GRM7: variants seen among roughly 807,000 people sequenced by gnomAD.
GRM7 encodes the protein metabotropic glutamate receptor 7.
Under a neutral mutation model 84.5 loss-of-function variants are expected in GRM7, and 35 were observed. The ratio of observed to expected loss-of-function variants is 0.41; its 90% confidence interval spans 0.32 to 0.55. The LOEUF (loss-of-function observed/expected upper bound fraction) is 0.55. Among genes scored for constraint, GRM7 ranks in the 20% least tolerant of loss-of-function variants. The probability of loss-of-function intolerance (pLI) is 0.19; values close to 1 mark genes in which losing one functional copy is unlikely to be tolerated. For synonymous variants in GRM7, 487 were observed against 455.1 expected, an observed-to-expected ratio of 1.07 and a Z score of -0.89; for missense variants, 1,003 against 1,194.6, an observed-to-expected ratio of 0.84 and a Z score of 2.36.
intron 2 of GRM7, among the ~76,000 whole-genome samples, chr3:7,261,729 G>C (rs1468454396): frequency 1.3e-5 from 2 of 152,178 alleles, no homozygotes; most frequent in Non-Finnish European, 2.9e-5. Context: ...TGTTGGTAAT[G>C]GTCTTTCCTT....
chr3:7,407,469 C>G (rs9846637), intron 4 of GRM7, among the ~76,000 whole-genome samples: 85,341 of 151,892 alleles, frequency 0.56, 24,629 homozygotes, highest in African/African-American at 0.62. Context: ...TACAGTGCCT[C>G]GAACTGATAT....
intron 2 of GRM7, among the ~76,000 whole-genome samples, chr3:7,277,086 T>G (rs543440376): frequency 6.6e-6 from 1 of 151,960 alleles, no homozygotes; most frequent in Admixed American, 6.6e-5. Context: ...TAGCCACCAT[T>G]TAAATGGTTT....
intron 1 of GRM7, among the ~76,000 whole-genome samples, chr3:7,141,755 A>G (rs994521482): frequency 1.3e-5 from 2 of 152,090 alleles, no homozygotes; most frequent in East Asian, 3.8e-4. Flanking sequence ...AAATAGTAGA[A>G]GATACACCCT....
intron 4 of GRM7, among the ~76,000 whole-genome samples, chr3:7,307,829 G>C (rs1700246274): frequency 6.6e-6 from 1 of 152,152 alleles, no homozygotes; most frequent in Non-Finnish European, 1.5e-5. Flanking sequence ...TCAGTGCTAG[G>C]AGTCAGGAAA....
At chr3:7,423,690 G>C (rs1181936932) in intron 5 of GRM7, among the ~76,000 whole-genome samples, 1 of 143,570 alleles carries the variant, frequency 7.0e-6, no homozygotes, top group Non-Finnish European at 1.5e-5. Flanking sequence ...AGCATTTTAG[G>C]TTTTTATGGG....
chr3:6,925,627 C>A (rs1430375293), intron 1 of GRM7, among the ~76,000 whole-genome samples: 1 of 152,132 alleles, frequency 6.6e-6, no homozygotes, highest in Non-Finnish European at 1.5e-5. Context: ...ACTCTATAAA[C>A]CAGGTAGTGG....
chr3:7,034,273 T>C (rs1030327984), intron 1 of GRM7, among the ~76,000 whole-genome samples: 3 of 152,008 alleles, frequency 2.0e-5, no homozygotes, highest in South Asian at 2.1e-4. Context: ...AGAAGTTTAA[T>C]TGGTCTCTGG....
At chr3:7,555,437 A>C (rs1693712268) in intron 7 of GRM7, among the ~76,000 whole-genome samples, 1 of 152,194 alleles carries the variant, frequency 6.6e-6, no homozygotes, top group Admixed American at 6.5e-5. Flanking sequence ...GCCTACAAAC[A>C]AGGACTCCAA....
intron 1 of GRM7, among the ~76,000 whole-genome samples, chr3:7,117,007 A>C (rs1693058085): frequency 6.6e-6 from 1 of 152,162 alleles, no homozygotes; most frequent in Non-Finnish European, 1.5e-5. Context: ...TTTGTGCTTT[A>C]AAGGTGAAAG....
intron 4 of GRM7, among the ~76,000 whole-genome samples, chr3:7,338,582 T>C (rs1701516557): frequency 6.6e-6 from 1 of 152,114 alleles, no homozygotes; most frequent in Admixed American, 6.6e-5. Flanking sequence ...CAAGCAACTG[T>C]AGCTGGTTCT....
intron 8 of GRM7, among the ~76,000 whole-genome samples, chr3:7,580,591 G>A (rs1276497228): frequency 1.3e-5 from 2 of 152,110 alleles, no homozygotes; most frequent in Non-Finnish European, 2.9e-5. Flanking sequence ...CCTAAATTGT[G>A]TAATTCAGAG....
At chr3:6,885,102 C>T (rs2124970374) in intron 1 of GRM7, among the ~76,000 whole-genome samples, 1 of 152,230 alleles carries the variant, frequency 6.6e-6, no homozygotes, top group East Asian at 1.9e-4. Context: ...CTATACACAC[C>T]TGATGCACGA....
At chr3:7,204,341 G>T (rs987912610) in intron 2 of GRM7, among the ~76,000 whole-genome samples, 1 of 152,146 alleles carries the variant, frequency 6.6e-6, no homozygotes, top group Non-Finnish European at 1.5e-5. Context: ...TTCTCTCTTA[G>T]GAGCAAGAGC....
chr3:7,289,766 A>T (rs1280697219), intron 2 of GRM7, among the ~76,000 whole-genome samples: 1 of 150,968 alleles, frequency 6.6e-6, no homozygotes, highest in African/African-American at 2.4e-5. Flanking sequence ...GGACAAAAAA[A>T]CAAACACCAC....
intron 8 of GRM7, among the ~76,000 whole-genome samples, 163 bp downstream of exon 8, chr3:7,579,520 G>C (rs1234126402): frequency 2.0e-5 from 3 of 152,160 alleles, no homozygotes; most frequent in African/African-American, 7.2e-5. Context: ...AATGCTACAA[G>C]AGTCTAAAAC....
chr3:7,501,009 C>T (rs1699866044), intron 7 of GRM7, among the ~76,000 whole-genome samples: 1 of 152,194 alleles, frequency 6.6e-6, no homozygotes, highest in African/African-American at 2.4e-5. Flanking sequence ...CTATGCAAGA[C>T]ACTGAGGATT....
In GRM7 at chr3:6,928,841, C is replaced by CATG. The variant is rs1408881242; in HGVS notation, c.519+66940_519+66942dup. Among the ~76,000 whole-genome samples, 5 of 152,182 alleles carry CATG rather than the reference C, an allele frequency of 3.3e-5. No individual in the cohort carries two copies. Among genetic ancestry groups the CATG allele is most frequent in the Non-Finnish European group, 7.3e-5 (5 of 68,036 alleles). Reference sequence around the variant, plus strand: ...GGTTTGTGAACACTTGTTTGTCATTCATGATGATTAGGTTCCCCCATATTT... The same window carrying CATG: ...GGTTTGTGAACACTTGTTTGTCATTCATGATGATGATTAGGTTCCCCCATATTT... On this transcript the variant is annotated intron_variant, in intron 1 of 9. Coordinates refer to ENST00000357716, the MANE Select transcript of GRM7 (RefSeq NM_000844.4). The surrounding 1 kb of genome is among the most constrained non-coding windows in gnomAD (Gnocchi z 4.5).
chr3:7,344,018 C>A (rs1692773892), intron 4 of GRM7, among the ~76,000 whole-genome samples: 1 of 151,988 alleles, frequency 6.6e-6, no homozygotes, highest in African/African-American at 2.4e-5. Context: ...GCAAAAACTT[C>A]TTTTCTCTGA....
chr3:7,053,554 T>A (rs550648983), intron 1 of GRM7, among the ~76,000 whole-genome samples: 3 of 151,712 alleles, frequency 2.0e-5, no homozygotes, highest in Non-Finnish European at 4.4e-5. Context: ...TTTTTATGTA[T>A]GTTGTACAGT....
Sources: allele counts gnomAD v4.1 joint callset (sites outside exome capture counted in the v4.1 genomes callset), GRCh38; gene constraint gnomAD v4.1.1; non-coding constraint Gnocchi (gnomAD v3.1); transcripts MANE v1.5; gene names NCBI Gene and HGNC (gene_info 2026-07-23, HGNC 2026-07-21).